Variants in AFMID observed in about 807,000 individuals in gnomAD.
AFMID encodes kynurenine formamidase.
AFMID carries 39 observed loss-of-function variants against 47.5 expected under a neutral mutation model. That is an observed-to-expected ratio of 0.82 (90% CI 0.64 to 1.07). The LOEUF is 1.07. Ranked by LOEUF, AFMID falls within the 50% of genes least tolerant of loss-of-function variation. AFMID has a pLI of 0.00. For synonymous variants in AFMID, 130 were observed against 153.2 expected (o/e 0.85, Z 1.12); for missense variants, 375 against 387.5 (o/e 0.97, Z 0.27).
At chr17:78,201,722 C>A (rs559988269) in intron 2 of AFMID, among the ~76,000 whole-genome samples, 1 of 152,044 alleles carries the variant, frequency 6.6e-6, no homozygotes, top group Admixed American at 6.6e-5. Context: ...TGTTGACAGA[C>A]GTCAGGACTG....
In AFMID at chr17:78,206,945, G is replaced by A. The variant is rs377023641; in HGVS notation, c.*8G>A. The A allele has an allele frequency of 3.5e-5, 56 of 1,613,824 alleles. No homozygotes were observed. Among genetic ancestry groups the A allele is most frequent in the African/African-American group, 6.7e-5 (5 of 74,878 alleles). On this transcript the variant is annotated 3_prime_UTR_variant, in exon 11 of 11. Coordinates refer to ENST00000409257, the MANE Select transcript of AFMID (RefSeq NM_001010982.5). ...AAAACAATCTTCCAGTAGTTCTGAC[G>A]ATACTTGGAGCCTGGTCCACGTGCA...
At chr17:78,202,107 T>C (rs1330029406) in intron 2 of AFMID, among the ~76,000 whole-genome samples, 1 of 151,730 alleles carries the variant, frequency 6.6e-6, no homozygotes, top group African/African-American at 2.4e-5. Flanking sequence ...AGCTGGAATG[T>C]TTCTACCTGA....
In AFMID at chr17:78,205,670, C is replaced by G. The variant is rs143035478; in HGVS notation, c.712C>G (p.Arg238Gly). Residue 238 changes from arginine to glycine, a missense_variant, in exon 9 of 11, where the codon CGT becomes GGT. By Grantham distance (125) the Arg-to-Gly change is moderately radical (BLOSUM62 -2). Coordinates refer to ENST00000409257, the MANE Select transcript of AFMID (RefSeq NM_001010982.5). Reference protein sequence around the residue: ...AQAQPVDPTCRVLVVVGQFDS... With the variant: ...AQAQPVDPTCGVLVVVGQFDS... Reference sequence around the variant, plus strand: ...GGCACAGCCGGTGGACCCCACCTGCCGTGTGCTGGTGGTCGTGGGCCAGTT... The same window carrying G: ...GGCACAGCCGGTGGACCCCACCTGCGGTGTGCTGGTGGTCGTGGGCCAGTT... The G allele has an allele frequency of 8.7e-6, 14 of 1,613,554 alleles. No individual in the cohort carries two copies. Among genetic ancestry groups the G allele is most frequent in the Non-Finnish European group, 1.0e-5 (12 of 1,179,984 alleles).
At chr17:78,188,038 G>A (rs534249439) in intron 1 of AFMID, among the ~76,000 whole-genome samples, 34 of 150,506 alleles carry the variant, frequency 2.3e-4, no homozygotes, top group African/African-American at 8.3e-4. Flanking sequence ...ACCTTGATCT[G>A]AGGTTACACA....
rs533543859 is a variant in AFMID at position 78,201,931 on chromosome 17, C to T, written c.155-568C>T. On this transcript the variant is annotated intron_variant, in intron 2 of 10. Coordinates refer to ENST00000409257, the MANE Select transcript of AFMID (RefSeq NM_001010982.5). ...ATTTTTAGTAGAGACAGGGTTTCAC[C>T]ATGTTAGCCAGGGTGGTCTCGATCT... Among the ~76,000 whole-genome samples, 14 of 151,742 alleles carry T rather than the reference C, an allele frequency of 9.2e-5. No homozygotes were observed. The South Asian group carries it at 2.7e-3, about 29-fold the overall frequency.
rs759122962 is a variant in AFMID, at chr17:78,205,032, G to C, written c.468-61G>C. On this transcript the variant is annotated intron_variant, in intron 6 of 10. Coordinates refer to ENST00000409257, the MANE Select transcript of AFMID (RefSeq NM_001010982.5). ...GAAAGCAAATTGGGACTCTTCGAAG[G>C]GGGCCTGATGTTGTGGGGAAACTGC... 22 of 1,564,286 alleles carry C rather than the reference G, an allele frequency of 1.4e-5. No homozygotes were observed. The Middle Eastern group carries it at 1.0e-3, about 71-fold the overall frequency.
At chr17:78,201,129 C>T (rs972080085) in intron 2 of AFMID, among the ~76,000 whole-genome samples, 4 of 151,658 alleles carry the variant, frequency 2.6e-5, no homozygotes, top group South Asian at 4.2e-4. Context: ...CCCGAGTAGC[C>T]GGAATTATAG....
At chr17:78,201,936 T>G (rs998067137) in intron 2 of AFMID, among the ~76,000 whole-genome samples, 1 of 151,556 alleles carries the variant, frequency 6.6e-6, no homozygotes, top group Admixed American at 6.6e-5. Flanking sequence ...TTCACCATGT[T>G]AGCCAGGGTG....
At position 78,191,059 on chromosome 17, in the gene AFMID, A is replaced by G. The variant is rs2075954244; in HGVS notation, c.153A>G (p.Glu51=). 1.2e-6 allele frequency: 2 copies of G among 1,613,606 alleles called. No individual in the cohort carries two copies. The highest frequency in any genetic ancestry group is 2.7e-5 in the African/African-American group (2 of 74,888). Residue 51 remains glutamate, a splice_region_variant and synonymous_variant, in exon 2 of 11, where the codon GAA becomes GAG. Coordinates refer to ENST00000409257, the MANE Select transcript of AFMID (RefSeq NM_001010982.5). ...GGACCTACTCACAGATAGGAATTGA[A>G]GGTACTAGTGTGACCTCTCCGTGGC... ...ALRTYSQIGI[E]ATTRARATRK...
intron 2 of AFMID, among the ~76,000 whole-genome samples, chr17:78,201,920 CA>C (rs888231136): frequency 2.8e-4 from 43 of 151,696 alleles, no homozygotes; most frequent in African/African-American, 9.9e-4. Flanking sequence ...TTAGTAGAGA[CA>C]GGGTTTCACC....
chr17:78,192,253 C>T (rs529356661), intron 2 of AFMID, among the ~76,000 whole-genome samples: 17 of 146,028 alleles, frequency 1.2e-4, no homozygotes, highest in Admixed American at 6.2e-4. Context: ...TCAGGTGATT[C>T]GCCCTCCTCG....
chr17:78,191,188 G>A (rs1256567138), intron 2 of AFMID, 128 bp downstream of exon 2: 6 of 786,044 alleles, frequency 7.6e-6, no homozygotes, highest in East Asian at 5.4e-5. Context: ...CAAACACCAG[G>A]CACTTTATAA....
At chr17:78,196,781 C>A (rs1196830909) in intron 2 of AFMID, among the ~76,000 whole-genome samples, 1 of 152,146 alleles carries the variant, frequency 6.6e-6, no homozygotes, top group African/African-American at 2.4e-5. Context: ...TTCCACATAG[C>A]CTGAGTTGTA....
In AFMID at chr17:78,187,397, C is replaced by T. The variant is rs1475483223; in HGVS notation, c.27C>T (p.Phe9=). The T allele has an allele frequency of 1.9e-6, 3 of 1,613,748 alleles. No homozygotes were observed. The highest frequency in any genetic ancestry group is 1.7e-5 in the Admixed American group (1 of 60,002). The change falls in exon 1 of 11, where the codon TTC becomes TTT. Residue 9 remains phenylalanine (F), a synonymous_variant. Transcript: ENST00000409257. ...TGATGGATGTGTCTGGTGTGGGTTT[C>T]CCAAGCAAGGTTCCTTGGAAGAAGA... MMDVSGVG[F]PSKVPWKKMS...
chr17:78,206,039 G>A lies in AFMID; in HGVS notation c.874G>A (p.Val292Met), dbSNP rs139832719. The change falls in exon 10 of 11, where the codon GTG becomes ATG. Residue 292 changes from valine (V) to methionine (M), a missense_variant. By Grantham distance (21) the Val-to-Met change is conservative. Coordinates refer to ENST00000409257, the MANE Select transcript of AFMID (RefSeq NM_001010982.5). ...TGAGAATCTGACCCAGAAGGACAAC[G>A]TGCTCACCCAGGTGGGGCCTCATCC... Reference protein sequence around the residue: ...IVENLTQKDNVLTQIILKTIF... With the variant: ...IVENLTQKDNMLTQIILKTIF... 128 of 1,613,958 alleles carry A rather than the reference G, an allele frequency of 7.9e-5. No individual in the cohort carries two copies. Among genetic ancestry groups the A allele is most frequent in the Non-Finnish European group, 9.2e-5 (108 of 1,179,994 alleles).
intron 2 of AFMID, among the ~76,000 whole-genome samples, chr17:78,195,845 T>C (rs1044709481): frequency 5.3e-5 from 8 of 151,532 alleles, no homozygotes; most frequent in African/African-American, 1.9e-4. Context: ...TTATTATTAT[T>C]ATTATTATTT....
chr17:78,187,481 C>T (rs369960360), intron 1 of AFMID, 48 bp downstream of exon 1: 7 of 1,603,644 alleles, frequency 4.4e-6, no homozygotes, highest in Non-Finnish European at 3.4e-6. Flanking sequence ...GGAGTTAGCT[C>T]ATTTATTAGA....
chr17:78,202,879 C>A, intron 4 of AFMID, 128 bp downstream of exon 4: 3 of 1,147,130 alleles, frequency 2.6e-6, no homozygotes, highest in Non-Finnish European at 3.8e-6. Flanking sequence ...TGTCTCACAG[C>A]GCTGGAGAAC....
intron 2 of AFMID, among the ~76,000 whole-genome samples, chr17:78,194,354 G>C (rs906287848): frequency 2.0e-5 from 3 of 152,092 alleles, no homozygotes; most frequent in Non-Finnish European, 2.9e-5. Context: ...GGGACTCCTG[G>C]CCTCGAGTGA....
Sources: gnomAD v4.1 joint callset for allele counts (sites outside exome capture counted in the v4.1 genomes callset) on GRCh38, gnomAD v4.1.1 for gene constraint, MANE v1.5 for transcripts, NCBI Gene and HGNC (gene_info 2026-07-23, HGNC 2026-07-21) for gene names.